C16orf74: variants seen among roughly 807,000 people sequenced by gnomAD.
The protein encoded by C16orf74 is calcimembrin.
A neutral mutation model predicts 6.5 loss-of-function variants in C16orf74; 10 were observed. The ratio of observed to expected loss-of-function variants is 1.54; its 90% CI spans 0.95 to 2.61. C16orf74 has a LOEUF of 2.61. Ranked by LOEUF, C16orf74 falls within the 30% of genes most tolerant of loss-of-function variation. The probability of loss-of-function intolerance (pLI) is 0.00; values close to 1 mark genes in which losing one functional copy is unlikely to be tolerated. For missense variants in C16orf74, 141 were observed against 105.9 expected, an observed-to-expected ratio of 1.33 and a Z score of -1.45; for synonymous variants, 60 against 42.5, an observed-to-expected ratio of 1.41 and a Z score of -1.60.
chr16:85,741,545 A>C (rs1469646961), intron 1 of C16orf74: 1 of 169,896 alleles, frequency 5.9e-6, no homozygotes, highest in Non-Finnish European at 1.5e-5. Context: ...TGGCAATTTG[A>C]TGTGGGGTGT....
intron 2 of C16orf74, among the ~76,000 whole-genome samples, chr16:85,726,285 C>T (rs971342401): frequency 6.6e-6 from 1 of 152,206 alleles, no homozygotes; most frequent in South Asian, 2.1e-4. Flanking sequence ...CTGCTGCATC[C>T]CGAGGGCTGA....
At chr16:85,708,200 C>T in intron 3 of C16orf74, 134 bp from the exon 4 acceptor site, 1 of 732,318 alleles carries the variant, frequency 1.4e-6, no homozygotes, top group East Asian at 2.7e-5. Flanking sequence ...GAGATGGGAC[C>T]CAGCCCAGTG....
intron 2 of C16orf74, among the ~76,000 whole-genome samples, 191 bp downstream of exon 2, chr16:85,734,999 T>A (rs1413501958): frequency 6.6e-6 from 1 of 152,104 alleles, no homozygotes. Context: ...GCTAGTGAAA[T>A]AGAAGGCCTG....
chr16:85,716,657 AGAAGGAGGAGGAAGG>A (rs1304263829), intron 2 of C16orf74, among the ~76,000 whole-genome samples: 9 of 137,260 alleles, frequency 6.6e-5, no homozygotes, highest in East Asian at 2.4e-4. Flanking sequence ...AGGCAGAGGG[AGAAGGAGGAGGAAGG>A]GAAGGAGGAG....
At chr16:85,729,460 C>T (rs1164030047) in intron 2 of C16orf74, among the ~76,000 whole-genome samples, 1 of 152,214 alleles carries the variant, frequency 6.6e-6, no homozygotes, top group African/African-American at 2.4e-5. Context: ...TCAATATCTA[C>T]CACCCTTGGG....
intron 2 of C16orf74, among the ~76,000 whole-genome samples, chr16:85,717,038 A>G (rs973539875): frequency 1.3e-5 from 2 of 152,280 alleles, no homozygotes; most frequent in Admixed American, 6.5e-5. Context: ...CCTGTGCAGG[A>G]AGACCTCCCC....
At chr16:85,732,449 T>G (rs2054199183) in intron 2 of C16orf74, among the ~76,000 whole-genome samples, 1 of 151,950 alleles carries the variant, frequency 6.6e-6, no homozygotes, top group African/African-American at 2.4e-5. Context: ...GAGGATCACT[T>G]GAGGTCAGGA....
chr16:85,735,622 C>G (rs889631219), intron 1 of C16orf74, among the ~76,000 whole-genome samples: 13 of 152,102 alleles, frequency 8.5e-5, no homozygotes, highest in Non-Finnish European at 1.8e-4. Context: ...ATGTGAAGAC[C>G]TGCCAGCAGG....
intron 3 of C16orf74, 41 bp downstream of exon 3, chr16:85,710,123 C>T (rs774232213): frequency 7.3e-7 from 1 of 1,372,854 alleles, no homozygotes; most frequent in African/African-American, 1.5e-5. Context: ...CACCGGGCCC[C>T]CACAGCCGAC....
At position 85,709,988 on chromosome 16, in the gene C16orf74, G is replaced by A. The variant is rs375679470; in HGVS notation, c.172+176C>T. On this transcript the variant is annotated intron_variant, in intron 3 of 3. Coordinates refer to ENST00000284245, the MANE Select transcript of C16orf74 (RefSeq NM_206967.3). Reference sequence around the variant, plus strand: ...CACGCCGCGTCGTGCTGAGGCTGGCGCCGTGGCAGGGGGCTCACGGTGCAG... The same window carrying A: ...CACGCCGCGTCGTGCTGAGGCTGGCACCGTGGCAGGGGGCTCACGGTGCAG... Among the ~76,000 whole-genome samples, 9 of 152,250 alleles carry A rather than the reference G, an allele frequency of 5.9e-5. No homozygotes were observed. In the East Asian group the frequency reaches 1.5e-3, roughly 26 times the overall value.
chr16:85,741,972 G>T (rs927771318), intron 1 of C16orf74, among the ~76,000 whole-genome samples: 1 of 152,184 alleles, frequency 6.6e-6, no homozygotes, highest in Non-Finnish European at 1.5e-5. Context: ...CTGATGGGAG[G>T]TGTCTGGGTC....
intron 1 of C16orf74, among the ~76,000 whole-genome samples, chr16:85,744,482 T>C (rs1050928282): frequency 1.3e-5 from 2 of 151,998 alleles, no homozygotes; most frequent in Non-Finnish European, 2.9e-5. Context: ...TTGTTAATTA[T>C]TTGCACAACA....
intron 1 of C16orf74, among the ~76,000 whole-genome samples, chr16:85,740,846 A>AAAAG (rs2054298692): frequency 2.0e-5 from 3 of 148,566 alleles, no homozygotes; most frequent in Non-Finnish European, 4.4e-5. Flanking sequence ...AAAAAAAAAA[A>AAAAG]GAAAGAAAAT....
chr16:85,711,334 G>T (rs775602954), intron 2 of C16orf74, among the ~76,000 whole-genome samples: 2 of 145,584 alleles, frequency 1.4e-5, no homozygotes, highest in African/African-American at 2.6e-5. Flanking sequence ...AAAAAAAAAG[G>T]CTGGGCGTGG....
intron 1 of C16orf74, among the ~76,000 whole-genome samples, chr16:85,740,663 G>C (rs1175340313): frequency 3.4e-5 from 5 of 147,726 alleles, no homozygotes; most frequent in African/African-American, 5.0e-5. Context: ...CTGCACTCCA[G>C]CGTGGGGCAC....
intron 1 of C16orf74, among the ~76,000 whole-genome samples, chr16:85,750,323 G>T (rs556918288): frequency 2.0e-5 from 3 of 152,046 alleles, no homozygotes; most frequent in African/African-American, 7.2e-5. Flanking sequence ...CTATCCCTGG[G>T]GGGAGCTGCG....
At chr16:85,740,035 C>A (rs761990276) in intron 1 of C16orf74, among the ~76,000 whole-genome samples, 4 of 150,824 alleles carry the variant, frequency 2.7e-5, no homozygotes, top group South Asian at 4.2e-4. Flanking sequence ...CATGGTGAAA[C>A]CCCGTCTCTA....
At chr16:85,732,083 G>A (rs2054194869) in intron 2 of C16orf74, among the ~76,000 whole-genome samples, 2 of 152,220 alleles carry the variant, frequency 1.3e-5, no homozygotes, top group South Asian at 4.1e-4. Flanking sequence ...AAAGAGAAGG[G>A]AAGACAGAAG....
At chr16:85,741,132 G>A (rs1302353051) in intron 1 of C16orf74, among the ~76,000 whole-genome samples, 1 of 152,188 alleles carries the variant, frequency 6.6e-6, no homozygotes, top group Non-Finnish European at 1.5e-5. Flanking sequence ...TCTGCGCAAT[G>A]CCTGGCCTCC....
Sources: allele counts gnomAD v4.1 joint callset (sites outside exome capture counted in the v4.1 genomes callset), GRCh38; gene constraint gnomAD v4.1.1; transcripts MANE v1.5; gene names NCBI Gene and HGNC (gene_info 2026-07-23, HGNC 2026-07-21).